Variants in RERE observed in about 807,000 individuals in gnomAD.
RERE encodes the protein arginine-glutamic acid dipeptide repeats protein.
Under a neutral mutation model 146.1 loss-of-function variants are expected in RERE, and 40 were observed. The ratio of observed to expected loss-of-function variants is 0.27; its 90% confidence interval spans 0.21 to 0.36. RERE has a LOEUF of 0.36. Among genes scored for constraint, RERE ranks in the 10% least tolerant of loss-of-function variants. The pLI, the probability that RERE is intolerant of heterozygous loss-of-function variation, is 1.00. For synonymous variants in RERE, 1,003 were observed against 866.0 expected, an observed-to-expected ratio of 1.16 and a Z score of -2.78; for missense variants, 1,933 against 2,138.7, an observed-to-expected ratio of 0.90 and a Z score of 1.90.
rs1458055580 is a variant in RERE, at chr1:8,360,948, G to A, written c.2559C>T (p.Gly853=). The part of the protein sequence containing the change: ...QPPLHGQGPP[G]PHSLQAGPLL... ...GGGGCCCAGCCTGCAGGCTGTGAGG[G>A]CCGGGTGGGCCCTGACCGTGCAGTG... The change falls in exon 18 of 23, where the codon GGC becomes GGT. Residue 853 remains glycine, a synonymous_variant. Transcript: ENST00000400908. 10 of 1,460,198 alleles carry A rather than the reference G, an allele frequency of 6.8e-6. No individual in the cohort carries two copies. The highest frequency in any genetic ancestry group is 8.1e-6 in the Non-Finnish European group (9 of 1,113,858). 90.5% of individuals were successfully genotyped at this position (1,460,198 alleles called of 1,614,324 possible).
At chr1:8,450,096 T>G (rs1419457947) in intron 11 of RERE, among the ~76,000 whole-genome samples, 1 of 152,064 alleles carries the variant, frequency 6.6e-6, no homozygotes, top group Admixed American at 6.5e-5. Context: ...CCACGGTTAT[T>G]TCTATTCCCA....
intron 1 of RERE, among the ~76,000 whole-genome samples, chr1:8,813,148 T>A (rs1036006215): frequency 6.6e-6 from 1 of 152,146 alleles, no homozygotes; most frequent in African/African-American, 2.4e-5. Context: ...AAAAAAGAAA[T>A]CCCGTAATTA....
intron 10 of RERE, among the ~76,000 whole-genome samples, chr1:8,485,732 A>G (rs1644890080): frequency 6.6e-6 from 1 of 152,002 alleles, no homozygotes; most frequent in Non-Finnish European, 1.5e-5. Flanking sequence ...TCTAATAACC[A>G]ACTTCAAATA....
chr1:8,496,840 AG>A (rs1435864955), intron 9 of RERE, among the ~76,000 whole-genome samples: 1 of 152,256 alleles, frequency 6.6e-6, no homozygotes. Flanking sequence ...ACAGCCACAA[AG>A]TAGAGACAGA....
intron 1 of RERE, among the ~76,000 whole-genome samples, chr1:8,803,006 A>G (rs1276880779): frequency 6.6e-6 from 1 of 152,192 alleles, no homozygotes; most frequent in East Asian, 1.9e-4. Flanking sequence ...GGACACTGCA[A>G]CTTCTTAACA....
intron 12 of RERE, among the ~76,000 whole-genome samples, chr1:8,386,015 TATA>T (rs1160267366): frequency 1.7e-4 from 7 of 41,210 alleles, no homozygotes; most frequent in East Asian, 1.1e-3. Flanking sequence ...TATATATATA[TATA>T]TATATTTTTT....
chr1:8,577,130 C>T (rs1646305148), intron 4 of RERE, among the ~76,000 whole-genome samples: 1 of 150,818 alleles, frequency 6.6e-6, no homozygotes, highest in Admixed American at 6.6e-5. Flanking sequence ...GATGGCGCCA[C>T]TGCACTCCAG....
At chr1:8,798,321 TGGCTGG>T (rs1641519336) in intron 1 of RERE, among the ~76,000 whole-genome samples, 1 of 151,924 alleles carries the variant, frequency 6.6e-6, no homozygotes, top group African/African-American at 2.4e-5. Flanking sequence ...TGCTTGAACC[TGGCTGG>T]GGAACAGAGG....
chr1:8,420,374 T>C (rs1384436919), intron 12 of RERE, among the ~76,000 whole-genome samples: 1 of 152,118 alleles, frequency 6.6e-6, no homozygotes, highest in Admixed American at 6.6e-5. Context: ...GGCATGACTA[T>C]AAGAATTCTA....
At chr1:8,446,978 C>T (rs1322641677) in intron 11 of RERE, among the ~76,000 whole-genome samples, 1 of 151,972 alleles carries the variant, frequency 6.6e-6, no homozygotes, top group Non-Finnish European at 1.5e-5. Context: ...TGTGCCGGGC[C>T]TGTTCATTTC....
chr1:8,576,308 C>T (rs1023887474), intron 4 of RERE, among the ~76,000 whole-genome samples: 1 of 151,904 alleles, frequency 6.6e-6, no homozygotes, highest in African/African-American at 2.4e-5. Flanking sequence ...AATTTTAGTG[C>T]CAATTATAAA....
chr1:8,354,694 G>T lies in RERE; in HGVS notation c.*393C>A. ...TGCCCCCGATCTGCAAGCCTCGTGGGCTCTGGAGCACTCGTGGCGGAGTGT... is the reference window on the plus strand; with the variant it reads ...TGCCCCCGATCTGCAAGCCTCGTGGTCTCTGGAGCACTCGTGGCGGAGTGT... On this transcript the variant is annotated 3_prime_UTR_variant, in exon 23 of 23. Transcript: ENST00000400908. 5.4e-6 allele frequency: 1 copy of T among 183,870 alleles called. No homozygotes were observed. The allele number at this position is 183,870 out of a possible 1,614,324, so 11.4% of individuals were successfully genotyped here. A position where few individuals can be genotyped will look rare whatever the true frequency, so the allele number is the denominator to read the frequency against.
intron 10 of RERE, among the ~76,000 whole-genome samples, chr1:8,483,139 C>G (rs1030663122): frequency 6.6e-6 from 1 of 152,174 alleles, no homozygotes; most frequent in Non-Finnish European, 1.5e-5. Context: ...TCAGCTTTAC[C>G]CATTAGACTT....
intron 4 of RERE, among the ~76,000 whole-genome samples, chr1:8,566,979 TG>T (rs1646160723): frequency 6.6e-6 from 1 of 151,912 alleles, no homozygotes. Context: ...TTAGTAGAAA[TG>T]GGGTTTCATC....
chr1:8,709,875 G>A (rs1451437220), intron 1 of RERE, among the ~76,000 whole-genome samples: 1 of 152,146 alleles, frequency 6.6e-6, no homozygotes, highest in Non-Finnish European at 1.5e-5. Context: ...CCATCCAAAA[G>A]CTGTACAACT....
At chr1:8,386,092 T>C (rs957363074) in intron 12 of RERE, among the ~76,000 whole-genome samples, 3 of 135,580 alleles carry the variant, frequency 2.2e-5, no homozygotes, top group Non-Finnish European at 4.7e-5. Flanking sequence ...AGCAGTAGTT[T>C]CTAAGCTTCC....
chr1:8,358,267 G>C lies in RERE; in HGVS notation c.4268C>G (p.Thr1423Ser). 6.2e-7 allele frequency: 1 copy of C among 1,613,470 alleles called. No homozygotes were observed. The highest frequency in any genetic ancestry group is 2.2e-5 in the East Asian group (1 of 44,844). The change falls in exon 20 of 23, where the codon ACT becomes AGT. Residue 1423 changes from threonine to serine, a missense_variant. By Grantham distance (58) the Thr-to-Ser change is moderately conservative. Transcript: ENST00000400908. ...GTGAGAGTGCTGGTGATGGTGCGGA[G>C]TCACGTTGAACATCTGCAGTCGGGC... ...PLARLQMFNV[T>S]PHHHQHSHIH...
intron 1 of RERE, among the ~76,000 whole-genome samples, chr1:8,667,713 CTCAT>C (rs1638610331): frequency 3.9e-5 from 6 of 152,168 alleles, no homozygotes; most frequent in Non-Finnish European, 5.9e-5. Flanking sequence ...CCCACACAAA[CTCAT>C]TCATACAAAT....
chr1:8,458,450 T>C (rs1644481212), intron 11 of RERE, among the ~76,000 whole-genome samples: 1 of 152,142 alleles, frequency 6.6e-6, no homozygotes, highest in South Asian at 2.1e-4. Context: ...TCAAAAGTAC[T>C]CTTCGATTTA....
Sources: gnomAD v4.1 joint callset for allele counts (sites outside exome capture counted in the v4.1 genomes callset) on GRCh38, gnomAD v4.1.1 for gene constraint, MANE v1.5 for transcripts, NCBI Gene and HGNC (gene_info 2026-07-23, HGNC 2026-07-21) for gene names.